Variants in COL4A2 observed in about 807,000 individuals in gnomAD.
COL4A2 encodes collagen type IV alpha 2 chain, also known as collagen alpha-2(IV) chain.
Under a neutral mutation model 200.2 loss-of-function variants are expected in COL4A2, and 99 were observed. The ratio of observed to expected loss-of-function variants is 0.49; its 90% CI spans 0.42 to 0.58. The LOEUF (loss-of-function observed/expected upper bound fraction) is 0.58, where lower values mean the gene tolerates loss of function less well. COL4A2 is among the 20% of genes least tolerant of loss of function. The pLI is 0.00. For missense variants in COL4A2, 1,950 were observed against 2,314.1 expected (o/e 0.84, Z 3.23); for synonymous variants, 897 against 900.6 (o/e 1.00, Z 0.07).
chr13:110,394,194 CAA>C (rs1214247557), intron 4 of COL4A2, among the ~76,000 whole-genome samples: 3 of 152,186 alleles, frequency 2.0e-5, no homozygotes, highest in Non-Finnish European at 2.9e-5. Flanking sequence ...AATCGTAAAA[CAA>C]GAGAAAACAT....
In COL4A2 at chr13:110,422,337, C is replaced by T. The variant is rs530367591; in HGVS notation, c.181-2397C>T. On this transcript the variant is annotated intron_variant, in intron 4 of 47. Transcript: ENST00000360467. ...TTAACAACAAATGTCGTGTAGGAAA[C>T]CACTAAGCATTGGAGATAGAATGAG... Among the ~76,000 whole-genome samples the T allele has an allele frequency of 3.3e-5, 5 of 151,126 alleles. No homozygotes were observed. In the South Asian group the frequency reaches 1.0e-3, roughly 32 times the overall value.
At chr13:110,409,552 A>C (rs988990035) in intron 4 of COL4A2, among the ~76,000 whole-genome samples, 2 of 152,192 alleles carry the variant, frequency 1.3e-5, no homozygotes, top group African/African-American at 4.8e-5. Context: ...GTGGATGAAA[A>C]CTGCTATTGA....
chr13:110,333,004 A>T (rs1010037561), intron 3 of COL4A2, among the ~76,000 whole-genome samples: 59 of 152,330 alleles, frequency 3.9e-4, no homozygotes, highest in African/African-American at 1.4e-3. Flanking sequence ...AGGTCCTTGC[A>T]GGCAGCCAGG....
chr13:110,350,628 C>T (rs1474710305), intron 3 of COL4A2, among the ~76,000 whole-genome samples: 2 of 152,218 alleles, frequency 1.3e-5, no homozygotes, highest in Non-Finnish European at 2.9e-5. Context: ...TGGTTTCCAG[C>T]TTTCTCACTA....
At chr13:110,495,940 C>T (rs115999064) in intron 40 of COL4A2, among the ~76,000 whole-genome samples, 4,014 of 152,288 alleles carry the variant, frequency 0.026, 179 homozygotes, top group African/African-American at 0.09. Context: ...CAGTGAGAAA[C>T]ATTCCTAGAT....
At chr13:110,475,644 A>G (rs1882675473) in intron 29 of COL4A2, among the ~76,000 whole-genome samples, 1 of 152,236 alleles carries the variant, frequency 6.6e-6, no homozygotes, top group Non-Finnish European at 1.5e-5. Flanking sequence ...CCAAAGCATC[A>G]ACATTCCAAG....
chr13:110,459,261 T>C, intron 22 of COL4A2: 1 of 248,040 alleles, frequency 4.0e-6, no homozygotes, highest in Non-Finnish European at 7.8e-6. Context: ...CAAACACACA[T>C]ACACCAATGT....
At position 110,512,319 on chromosome 13, in the gene COL4A2, C is replaced by T; in HGVS notation, c.*128C>T. 1.4e-6 allele frequency: 2 copies of T among 1,408,336 alleles called. No individual in the cohort carries two copies. Among genetic ancestry groups the T allele is most frequent in the Non-Finnish European group, 1.9e-6 (2 of 1,075,282 alleles). 87.2% of individuals were successfully genotyped at this position (1,408,336 alleles called of 1,614,324 possible). A position where few individuals can be genotyped will look rare whatever the true frequency, so the allele number is the denominator to read the frequency against. On this transcript the variant is annotated 3_prime_UTR_variant, in exon 48 of 48. Transcript: ENST00000360467. The stretch of plus-strand genomic sequence containing the variant: ...GTCTACCAAAGGAATTTGCATCCAG[C>T]AGCAGCACTTAGACCTGCCAGCCAC...
chr13:110,395,720 G>A (rs1288252502), intron 4 of COL4A2, among the ~76,000 whole-genome samples: 2 of 152,164 alleles, frequency 1.3e-5, no homozygotes, highest in Non-Finnish European at 2.9e-5. Flanking sequence ...CGAGGAGGGC[G>A]GGTAACTTGA....
chr13:110,431,570 C>A (rs1364307093), intron 10 of COL4A2, among the ~76,000 whole-genome samples: 1 of 152,194 alleles, frequency 6.6e-6, no homozygotes, highest in Non-Finnish European at 1.5e-5. Flanking sequence ...GGCGCTGTTG[C>A]TGTTTCACTC....
chr13:110,316,184 T>G (rs75369936), intron 3 of COL4A2, among the ~76,000 whole-genome samples: 2 of 152,202 alleles, frequency 1.3e-5, no homozygotes, highest in Non-Finnish European at 2.9e-5. Flanking sequence ...TTTCATGGAC[T>G]GATTATCTGG....
chr13:110,408,831 ACACATACACG>A (rs1389741008), intron 4 of COL4A2, among the ~76,000 whole-genome samples: 6 of 118,418 alleles, frequency 5.1e-5, no homozygotes, highest in African/African-American at 1.9e-4. Flanking sequence ...ACATGCACAC[ACACATACACG>A]CACACATATA....
intron 3 of COL4A2, among the ~76,000 whole-genome samples, chr13:110,333,521 A>G (rs1009624594): frequency 6.6e-6 from 1 of 152,064 alleles, no homozygotes; most frequent in African/African-American, 2.4e-5. Context: ...AATTCTCTTC[A>G]TGGGGGCGAT....
chr13:110,509,245 T>TTTTATATATATATA (rs1555334027), intron 47 of COL4A2, among the ~76,000 whole-genome samples: 1 of 72,000 alleles, frequency 1.4e-5, no homozygotes. Context: ...ATTTCATAAA[T>TTTTATATATATATA]TATATATATA....
At chr13:110,504,105 C>A in intron 44 of COL4A2, 43 bp from the exon 45 acceptor site, 2 of 1,597,590 alleles carry the variant, frequency 1.3e-6, no homozygotes, top group South Asian at 2.2e-5. Flanking sequence ...CCGTGCCAGG[C>A]GTGGTCAGTT....
chr13:110,494,502 T>C (rs1429657168), intron 39 of COL4A2, among the ~76,000 whole-genome samples: 2 of 152,206 alleles, frequency 1.3e-5, no homozygotes, highest in Non-Finnish European at 1.5e-5. Flanking sequence ...TTATGTCTTT[T>C]TTTCAAAAGA....
At chr13:110,404,674 G>T (rs1035893726) in intron 4 of COL4A2, among the ~76,000 whole-genome samples, 2 of 152,220 alleles carry the variant, frequency 1.3e-5, no homozygotes, top group Non-Finnish European at 2.9e-5. Context: ...GATTAAGAAG[G>T]AGTCCAGGAA....
intron 4 of COL4A2, among the ~76,000 whole-genome samples, chr13:110,363,408 C>G (rs906474191): frequency 6.6e-6 from 1 of 152,160 alleles, no homozygotes; most frequent in Non-Finnish European, 1.5e-5. Context: ...AGTCCTTAGC[C>G]TCACCAGATT....
At chr13:110,377,477 C>T (rs933119892) in intron 4 of COL4A2, among the ~76,000 whole-genome samples, 3 of 152,184 alleles carry the variant, frequency 2.0e-5, no homozygotes, top group African/African-American at 2.4e-5. Flanking sequence ...CCCAGGACCC[C>T]GCACATCCCT....
Sources: gnomAD v4.1 joint callset for allele counts (sites outside exome capture counted in the v4.1 genomes callset) on GRCh38, gnomAD v4.1.1 for gene constraint, MANE v1.5 for transcripts, NCBI Gene and HGNC (gene_info 2026-07-23, HGNC 2026-07-21) for gene names.